Variants in RNF2 observed in about 807,000 individuals in gnomAD.
RNF2 encodes E3 ubiquitin-protein ligase RING2.
RNF2 carries 6 observed loss-of-function variants against 37.2 expected under a neutral mutation model. The observed-to-expected ratio is 0.16, with a 90% CI of 0.09 to 0.32. RNF2 has a LOEUF of 0.32. Among genes scored for constraint, RNF2 ranks in the 10% least tolerant of loss-of-function variants. The pLI, the probability that RNF2 is intolerant of heterozygous loss-of-function variation, is 1.00. For synonymous variants in RNF2, 133 were observed against 132.7 expected (o/e 1.00, Z -0.02); for missense variants, 251 against 404.0 (o/e 0.62, Z 3.25).
chr1:185,087,465 T>C, intron 1 of RNF2, 87 bp from the exon 2 acceptor site: 2 of 1,089,820 alleles, frequency 1.8e-6, no homozygotes, highest in African/African-American at 1.5e-5. Context: ...GATTTCAACG[T>C]AGGAATTTTG....
At chr1:185,077,788 G>C (rs1320518164) in intron 1 of RNF2, among the ~76,000 whole-genome samples, 2 of 145,866 alleles carry the variant, frequency 1.4e-5, no homozygotes, top group African/African-American at 5.1e-5. Flanking sequence ...ACTTTGTTTA[G>C]GTTCATTTTC....
intron 1 of RNF2, among the ~76,000 whole-genome samples, chr1:185,068,660 A>G (rs1650871538): frequency 6.6e-6 from 1 of 152,214 alleles, no homozygotes; most frequent in Admixed American, 6.5e-5. Context: ...GTGATATTGA[A>G]TTAGGACTTC....
At chr1:185,070,582 A>G (rs1434795063) in intron 1 of RNF2, among the ~76,000 whole-genome samples, 2 of 151,608 alleles carry the variant, frequency 1.3e-5, no homozygotes, top group Non-Finnish European at 2.9e-5. Flanking sequence ...AGTTTTTTTC[A>G]CATGAACCTT....
At position 185,098,496 on chromosome 1, in the gene RNF2, T is replaced by A; in HGVS notation, c.737+152T>A. On this transcript the variant is annotated intron_variant, in intron 5 of 6. Transcript: ENST00000367510. ...GCTGCCTAGATTGTTGTTTTCTTCC[T>A]TCCTCCCTCATGTGCTTTCCACCCA... 4 of 928,844 alleles carry A rather than the reference T, an allele frequency of 4.3e-6. No homozygotes were observed. The South Asian group carries it at 6.9e-5, about 16-fold the overall frequency. 57.5% of individuals were successfully genotyped at this position (928,844 alleles called of 1,614,324 possible). A position where few individuals can be genotyped will look rare whatever the true frequency, so the allele number is the denominator to read the frequency against.
intron 2 of RNF2, among the ~76,000 whole-genome samples, chr1:185,089,392 T>A (rs1489124261): frequency 6.6e-6 from 1 of 152,204 alleles, no homozygotes; most frequent in Non-Finnish European, 1.5e-5. Flanking sequence ...TATAAGGGAC[T>A]TGAGCATCCA....
chr1:185,092,910 T>G, intron 3 of RNF2, 151 bp from the exon 4 acceptor site: 4 of 741,006 alleles, frequency 5.4e-6, no homozygotes, highest in East Asian at 2.8e-5. Flanking sequence ...AGTCAGATTT[T>G]CAAGGAAATT....
chr1:185,090,210 G>A (rs868855903), intron 2 of RNF2, among the ~76,000 whole-genome samples: 22 of 152,148 alleles, frequency 1.4e-4, no homozygotes, highest in African/African-American at 5.1e-4. Context: ...GTGAGCCATC[G>A]TGCCTGGCCG....
intron 4 of RNF2, among the ~76,000 whole-genome samples, 170 bp from the exon 5 acceptor site, chr1:185,097,902 A>G (rs989768892): frequency 1.3e-5 from 2 of 152,234 alleles, no homozygotes; most frequent in African/African-American, 2.4e-5. Context: ...AGCAAGAGAG[A>G]TTTTTTAGAC....
intron 4 of RNF2, among the ~76,000 whole-genome samples, chr1:185,097,046 C>T (rs1033792435): frequency 6.6e-6 from 1 of 152,108 alleles, no homozygotes; most frequent in African/African-American, 2.4e-5. Context: ...GTCTGGTTCA[C>T]ATCCTAGCTC....
chr1:185,054,047 C>T (rs948287870), intron 1 of RNF2, among the ~76,000 whole-genome samples: 2 of 152,146 alleles, frequency 1.3e-5, no homozygotes, highest in African/African-American at 4.8e-5. Context: ...CATTAAACAT[C>T]TTCACAAATG....
rs1652047457 is a variant in RNF2, at chr1:185,100,511, T to C, written c.*210T>C. On this transcript the variant is annotated 3_prime_UTR_variant, in exon 7 of 7. Coordinates refer to ENST00000367510, the MANE Select transcript of RNF2 (RefSeq NM_007212.4). ...TGCAATTATTCAGTATTTTTTTCTT[T>C]CCTTTAAAAAAATATATCTGAAGTT... The C allele has an allele frequency of 5.5e-6, 2 of 364,058 alleles. No homozygotes were observed. Among genetic ancestry groups the C allele is most frequent in the South Asian group, 1.5e-4 (1 of 6,876 alleles). The allele number at this position is 364,058 out of a possible 1,614,324, so 22.6% of individuals were successfully genotyped here.
chr1:185,047,888 T>G (rs1650163579), intron 1 of RNF2, among the ~76,000 whole-genome samples: 1 of 152,182 alleles, frequency 6.6e-6, no homozygotes, highest in African/African-American at 2.4e-5. Flanking sequence ...ATGGTTAATT[T>G]CTCGATTGAT....
intron 1 of RNF2, among the ~76,000 whole-genome samples, chr1:185,078,936 T>C (rs1031808228): frequency 2.0e-5 from 3 of 152,040 alleles, no homozygotes; most frequent in Non-Finnish European, 2.9e-5. Context: ...CCCAGCTACT[T>C]GGGAGGCTGA....
At chr1:185,058,378 G>A (rs1274815397) in intron 1 of RNF2, among the ~76,000 whole-genome samples, 2 of 152,152 alleles carry the variant, frequency 1.3e-5, no homozygotes, top group Non-Finnish European at 2.9e-5. Context: ...CTGTAATTTT[G>A]TGTGCATGTG....
chr1:185,052,768 T>G lies in RNF2; in HGVS notation c.-3+7119T>G, dbSNP rs574777791. 2.3e-4 allele frequency among the ~76,000 whole-genome samples: 35 copies of G among 152,324 alleles called. 2 individuals are homozygous for G. In the South Asian group the frequency reaches 7.2e-3, roughly 32 times the overall value. On this transcript the variant is annotated intron_variant, in intron 1 of 6. Transcript: ENST00000367510. The stretch of plus-strand genomic sequence containing the variant: ...AAAGTTTGAATGAGGCATAGGCTCC[T>G]TGAATTTTTAAGCTGTGAAGTGCTG...
rs368316726 is a variant in RNF2, at chr1:185,100,330, C to A, written c.*29C>A. On this transcript the variant is annotated 3_prime_UTR_variant, in exon 7 of 7. Coordinates refer to ENST00000367510, the MANE Select transcript of RNF2 (RefSeq NM_007212.4). ...TTTAAAAACCAATTCTGAGACTGAACTTTTTTATAGCCTATTTCTTTAATA... is the reference window on the plus strand; with the variant it reads ...TTTAAAAACCAATTCTGAGACTGAAATTTTTTATAGCCTATTTCTTTAATA... 224 of 1,423,198 alleles carry A rather than the reference C, an allele frequency of 1.6e-4. No individual in the cohort carries two copies. Among genetic ancestry groups the A allele is most frequent in the Non-Finnish European group, 2.1e-4 (212 of 1,024,622 alleles). The allele number at this position is 1,423,198 out of a possible 1,614,324, so 88.2% of individuals were successfully genotyped here. A position where few individuals can be genotyped will look rare whatever the true frequency, so the allele number is the denominator to read the frequency against.
intron 1 of RNF2, among the ~76,000 whole-genome samples, chr1:185,067,956 G>A (rs1324761306): frequency 4.0e-5 from 6 of 149,968 alleles, no homozygotes; most frequent in South Asian, 2.1e-4. Context: ...TGATTCACCC[G>A]CCTTGGCCTT....
intron 1 of RNF2, among the ~76,000 whole-genome samples, chr1:185,080,706 G>T (rs1651320123): frequency 6.6e-6 from 1 of 152,150 alleles, no homozygotes; most frequent in Non-Finnish European, 1.5e-5. Flanking sequence ...AATGGTACCA[G>T]GAAATTCTGG....
rs549231903 is a variant in RNF2, at chr1:185,060,746, C to G, written c.-3+15097C>G. Among the ~76,000 whole-genome samples the G allele has an allele frequency of 2.0e-4, 30 of 152,290 alleles. No individual in the cohort carries two copies. The East Asian group carries it at 5.2e-3, about 26-fold the overall frequency. ...ACATCCTTGGAGAAGATGAAAAAAT[C>G]TAGCCTGGCAGATGAGAACCAGGAG... is the stretch of plus-strand genomic sequence containing the variant. On this transcript the variant is annotated intron_variant, in intron 1 of 6. Coordinates refer to ENST00000367510, the MANE Select transcript of RNF2 (RefSeq NM_007212.4).
Sources: allele counts gnomAD v4.1 joint callset (sites outside exome capture counted in the v4.1 genomes callset), GRCh38; gene constraint gnomAD v4.1.1; transcripts MANE v1.5; gene names NCBI Gene and HGNC (gene_info 2026-07-23, HGNC 2026-07-21).